The following SLC2A14 variants were observed in gnomAD, a reference collection of about 807,000 sequenced individuals.
SLC2A14 encodes solute carrier family 2, facilitated glucose transporter member 14.
In SLC2A14, 13 loss-of-function variants were observed where a neutral mutation model predicts 43.0. The observed-to-expected ratio is 0.30, with a 90% CI of 0.20 to 0.48. The LOEUF (loss-of-function observed/expected upper bound fraction) is 0.48. Among genes scored for constraint, SLC2A14 ranks in the 20% least tolerant of loss-of-function variants. SLC2A14 has a pLI of 0.99. For missense variants in SLC2A14, 428 were observed against 620.4 expected, an observed-to-expected ratio of 0.69 and a Z score of 3.29; for synonymous variants, 190 against 233.8, an observed-to-expected ratio of 0.81 and a Z score of 1.71.
intron 1 of SLC2A14, among the ~76,000 whole-genome samples, chr12:7,888,855 A>C (rs1209981105): frequency 1.3e-5 from 2 of 151,816 alleles, no homozygotes; most frequent in East Asian, 3.9e-4. Flanking sequence ...TAATTAGAAG[A>C]GATTTAATTT....
At chr12:7,873,849 T>G (rs1164782664), upstream of SLC2A14, among the ~76,000 whole-genome samples, 2 of 151,856 alleles carry the variant, frequency 1.3e-5, no homozygotes, top group Non-Finnish European at 2.9e-5. Context: ...AGCACGAAGG[T>G]GTTTTGGAGA....
intron 1 of SLC2A14, among the ~76,000 whole-genome samples, chr12:7,886,250 C>G (rs935641510): frequency 6.8e-6 from 1 of 146,702 alleles, no homozygotes; most frequent in Non-Finnish European, 1.5e-5. Context: ...AAGCCTTGAC[C>G]TTCTGGGCTC....
At chr12:7,839,887 G>T (rs1019046149) in intron 2 of SLC2A14, 1 of 421,114 alleles carries the variant, frequency 2.4e-6, no homozygotes, top group African/African-American at 2.4e-5. Context: ...TCCCCCTTTT[G>T]GACCAGCCTG....
At chr12:7,815,283 G>A (rs544531278) in intron 10 of SLC2A14, among the ~76,000 whole-genome samples, 1 of 151,926 alleles carries the variant, frequency 6.6e-6, no homozygotes, top group African/African-American at 2.4e-5. Flanking sequence ...GGGAGTGGTG[G>A]CACGTGCCTG....
intron 8 of SLC2A14, among the ~76,000 whole-genome samples, chr12:7,820,948 G>A (rs1178431598): frequency 9.2e-5 from 14 of 151,846 alleles, no homozygotes; most frequent in African/African-American, 2.7e-4. Context: ...TGAGTTGGGC[G>A]TGGTGGCGCA....
rs1555121772 is a variant in SLC2A14, at chr12:7,826,875, T to TTCTTTC, written c.864+614_864+619dup. Among the ~76,000 whole-genome samples, 168 of 57,894 alleles carry TTCTTTC rather than the reference T, an allele frequency of 2.9e-3. 20 individuals carry two copies. Among genetic ancestry groups the TTCTTTC allele is most frequent in the Non-Finnish European group, 4.2e-3 (127 of 30,108 alleles). The allele number at this position is 57,894 out of a possible 152,430, so 38.0% of individuals were successfully genotyped here. On this transcript the variant is annotated intron_variant, in intron 7 of 10. Coordinates refer to ENST00000431042, the MANE Select transcript of SLC2A14 (RefSeq NM_001286234.2). The stretch of plus-strand genomic sequence containing the variant: ...CTTCCTTTCTTTTTTCTTTCTTTCT[T>TTCTTTC]TCTTTCTTTCTTTCTTTCTTTCTTT...
intron 2 of SLC2A14, among the ~76,000 whole-genome samples, chr12:7,867,456 T>C (rs1208571348): frequency 6.6e-6 from 1 of 151,940 alleles, no homozygotes; most frequent in African/African-American, 2.4e-5. Flanking sequence ...GCAAGAGAAC[T>C]AGAATTAGAA....
At chr12:7,886,202 C>T (rs1473791978) in intron 1 of SLC2A14, among the ~76,000 whole-genome samples, 5 of 127,758 alleles carry the variant, frequency 3.9e-5, no homozygotes, top group African/African-American at 1.5e-4. Flanking sequence ...CAGGCTGTCC[C>T]TGAGGCTGGA....
chr12:7,881,512 C>A (rs1945572381), intron 1 of SLC2A14, among the ~76,000 whole-genome samples: 1 of 152,172 alleles, frequency 6.6e-6, no homozygotes, highest in Admixed American at 6.5e-5. Context: ...CCTTAGCTGC[C>A]TTCCCATGGG....
chr12:7,819,458 T>C, intron 9 of SLC2A14, 24 bp downstream of exon 9: 1 of 1,611,602 alleles, frequency 6.2e-7, no homozygotes, highest in South Asian at 1.1e-5. Context: ...CCCCTCCCTT[T>C]TTTTTCACCC....
chr12:7,880,713 AAG>A (rs1565588561), intron 1 of SLC2A14, among the ~76,000 whole-genome samples: 2 of 38,280 alleles, frequency 5.2e-5, no homozygotes, highest in Non-Finnish European at 7.6e-5. Flanking sequence ...AAAAAAAAAA[AAG>A]AGAGAAATTG....
At chr12:7,881,372 G>A (rs923884986) in intron 1 of SLC2A14, among the ~76,000 whole-genome samples, 1 of 151,780 alleles carries the variant, frequency 6.6e-6, no homozygotes, top group Non-Finnish European at 1.5e-5. Flanking sequence ...CGCACTCGGA[G>A]CGGCCGGCCG....
chr12:7,832,500 A>C lies in SLC2A14; in HGVS notation c.111+222T>G, dbSNP rs766839375. Among the ~76,000 whole-genome samples the C allele has an allele frequency of 2.0e-5, 3 of 152,234 alleles. No homozygotes were observed. The South Asian group carries it at 6.2e-4, about 32-fold the overall frequency. On this transcript the variant is annotated intron_variant, in intron 3 of 10. Transcript: ENST00000431042. ...TTCAGTCTTGGACAGGATAGATACAAAGTTTAATTCCCCTAGTTGGGGGAG... is the reference window on the plus strand; with the variant it reads ...TTCAGTCTTGGACAGGATAGATACACAGTTTAATTCCCCTAGTTGGGGGAG...
chr12:7,844,478 T>G (rs1286315866), intron 2 of SLC2A14, among the ~76,000 whole-genome samples: 1 of 152,124 alleles, frequency 6.6e-6, no homozygotes, highest in Non-Finnish European at 1.5e-5. Context: ...CTCGATTGTA[T>G]ACTTGTTGTA....
chr12:7,870,670 T>C (rs978709022), intron 1 of SLC2A14, among the ~76,000 whole-genome samples: 1 of 152,132 alleles, frequency 6.6e-6, no homozygotes, highest in African/African-American at 2.4e-5. Context: ...CTGTTTTTGT[T>C]CCTGTATCAG....
intron 1 of SLC2A14, among the ~76,000 whole-genome samples, chr12:7,882,902 A>G (rs61925368): frequency 6.9e-6 from 1 of 144,830 alleles, no homozygotes; most frequent in East Asian, 2.0e-4. Context: ...AAAAAAAAAA[A>G]GGACTAAGAC....
In SLC2A14 at chr12:7,878,720, G is replaced by T. The variant is rs757254730; in HGVS notation, c.132+12276C>A. Reference sequence around the variant, plus strand: ...TGAGCCAGGTGGGGTGGCTCAGGGCGATAATCCCAGCACTTTCGGAGGCCA... The same window carrying T: ...TGAGCCAGGTGGGGTGGCTCAGGGCTATAATCCCAGCACTTTCGGAGGCCA... On this transcript the variant is annotated intron_variant, in intron 1 of 9. Coordinates refer to the SLC2A14 transcript ENST00000539924. Among the ~76,000 whole-genome samples the T allele has an allele frequency of 2.0e-5, 3 of 151,748 alleles. No individual in the cohort carries two copies. In the South Asian group the frequency reaches 6.3e-4, roughly 32 times the overall value.
At chr12:7,870,878 GACC>G (rs61027606) in intron 1 of SLC2A14, 745,762 of 1,316,756 alleles carry the variant, frequency 0.57, 211,437 homozygotes, top group South Asian at 0.7. Context: ...CCAAAGCCAA[GACC>G]ACCAAGAAGC....
At chr12:7,858,352 G>A (rs1057208848) in intron 2 of SLC2A14, among the ~76,000 whole-genome samples, 1 of 152,002 alleles carries the variant, frequency 6.6e-6, no homozygotes, top group East Asian at 1.9e-4. Context: ...TAAATGGGTT[G>A]TATTTTATTA....
Sources: gnomAD v4.1 joint callset for allele counts (sites outside exome capture counted in the v4.1 genomes callset) on GRCh38, gnomAD v4.1.1 for gene constraint, MANE v1.5 for transcripts, NCBI Gene and HGNC (gene_info 2026-07-23, HGNC 2026-07-21) for gene names.